HS3ST4: variants seen among roughly 807,000 people sequenced by gnomAD.
HS3ST4 encodes the protein heparan sulfate-glucosamine 3-sulfotransferase 4.
A neutral mutation model predicts 29.2 loss-of-function variants in HS3ST4; 17 were observed. That is an observed-to-expected ratio of 0.58 (90% CI 0.40 to 0.87). The LOEUF (loss-of-function observed/expected upper bound fraction) is 0.87. HS3ST4 is among the 40% of genes least tolerant of loss of function. The pLI, the probability that HS3ST4 is intolerant of heterozygous loss-of-function variation, is 0.00. For missense variants in HS3ST4, 627 were observed against 634.5 expected, an observed-to-expected ratio of 0.99 and a Z score of 0.13; for synonymous variants, 314 against 285.7, an observed-to-expected ratio of 1.10 and a Z score of -1.00.
intron 1 of HS3ST4, among the ~76,000 whole-genome samples, chr16:25,972,024 A>G (rs536154680): frequency 1.3e-5 from 2 of 152,264 alleles, no homozygotes; most frequent in South Asian, 4.1e-4. Context: ...TAGCTACAGG[A>G]CTTTTCATGA....
At chr16:26,070,315 G>A (rs1013523704) in intron 1 of HS3ST4, among the ~76,000 whole-genome samples, 15 of 152,184 alleles carry the variant, frequency 9.9e-5, no homozygotes, top group African/African-American at 3.6e-4. Flanking sequence ...CAGTGATGAT[G>A]AGCATTTTTT....
At chr16:25,820,923 A>G (rs1967148203) in intron 1 of HS3ST4, among the ~76,000 whole-genome samples, 1 of 152,094 alleles carries the variant, frequency 6.6e-6, no homozygotes, top group Non-Finnish European at 1.5e-5. Flanking sequence ...CTTAGGACCA[A>G]GTCGAATAAG....
intron 1 of HS3ST4, among the ~76,000 whole-genome samples, chr16:25,798,938 A>G (rs1223576810): frequency 6.6e-6 from 1 of 152,210 alleles, no homozygotes; most frequent in Admixed American, 6.5e-5. Flanking sequence ...CATTGTTGGC[A>G]GTGAAGCATA....
intron 1 of HS3ST4, among the ~76,000 whole-genome samples, chr16:26,104,347 C>A (rs1049120024): frequency 6.6e-6 from 1 of 152,224 alleles, no homozygotes; most frequent in African/African-American, 2.4e-5. Flanking sequence ...AGCTTTGATA[C>A]AGGGATGTGA....
At chr16:25,857,604 G>A (rs889272993) in intron 1 of HS3ST4, among the ~76,000 whole-genome samples, 7 of 152,126 alleles carry the variant, frequency 4.6e-5, no homozygotes, top group African/African-American at 1.4e-4. Flanking sequence ...GAACTGAGAC[G>A]CTTTCTAGCT....
At chr16:26,129,664 C>T (rs9933443) in intron 1 of HS3ST4, among the ~76,000 whole-genome samples, 5,135 of 152,236 alleles carry the variant, frequency 0.034, 298 homozygotes, top group African/African-American at 0.11. Context: ...GAAATAGACC[C>T]ATATTACTTA....
chr16:25,830,699 T>C (rs1345796189), intron 1 of HS3ST4, among the ~76,000 whole-genome samples: 1 of 151,882 alleles, frequency 6.6e-6, no homozygotes, highest in African/African-American at 2.4e-5. Flanking sequence ...TTCCATTCAT[T>C]CCCCACCTTC....
chr16:26,121,489 T>G (rs1899276409), intron 1 of HS3ST4, among the ~76,000 whole-genome samples: 1 of 152,194 alleles, frequency 6.6e-6, no homozygotes, highest in South Asian at 2.1e-4. Context: ...TGTTTGAGGC[T>G]GCAGGACTCA....
intron 1 of HS3ST4, among the ~76,000 whole-genome samples, chr16:25,956,716 T>C (rs1671871343): frequency 6.6e-6 from 1 of 152,176 alleles, no homozygotes; most frequent in Non-Finnish European, 1.5e-5. Flanking sequence ...GCATGGGTTT[T>C]GGCTGGGCGT....
At chr16:26,106,937 T>C (rs2141800296) in intron 1 of HS3ST4, among the ~76,000 whole-genome samples, 1 of 152,234 alleles carries the variant, frequency 6.6e-6, no homozygotes, top group Non-Finnish European at 1.5e-5. Flanking sequence ...CATCAGCATG[T>C]GCTGTTCACC....
intron 1 of HS3ST4, among the ~76,000 whole-genome samples, chr16:25,798,320 G>T (rs907954257): frequency 2.6e-5 from 4 of 152,146 alleles, no homozygotes; most frequent in Non-Finnish European, 4.4e-5. Flanking sequence ...CAAATCTCTG[G>T]CTTACAACCA....
At chr16:25,716,763 G>A (rs1484835440) in intron 1 of HS3ST4, among the ~76,000 whole-genome samples, 1 of 152,162 alleles carries the variant, frequency 6.6e-6, no homozygotes, top group African/African-American at 2.4e-5. Flanking sequence ...AAATAAAGAA[G>A]GGGAATTAGG....
chr16:26,004,821 G>A (rs1009877654), intron 1 of HS3ST4, among the ~76,000 whole-genome samples: 1 of 152,008 alleles, frequency 6.6e-6, no homozygotes, highest in African/African-American at 2.4e-5. Context: ...CATTTGAAGT[G>A]GTTTTTATGA....
In HS3ST4 at chr16:26,135,898, G is replaced by T; in HGVS notation, c.1021G>T (p.Glu341Ter). Residue 341 changes from glutamate (E) to a stop codon, truncating the protein, a stop_gained, in exon 2 of 2, where the codon GAA becomes TAA. Transcript: ENST00000331351. LOFTEE classifies it high-confidence loss of function. ...IRIGIYALHL[E>*]NWLQYFPLSQ... ...AATAGGGATCTATGCGCTGCATCTG[G>T]AAAACTGGCTCCAGTATTTCCCCCT... 6.2e-7 allele frequency: 1 copy of T among 1,613,988 alleles called. No homozygotes were observed.
At chr16:25,743,049 A>G (rs1966664925) in intron 1 of HS3ST4, among the ~76,000 whole-genome samples, 1 of 152,210 alleles carries the variant, frequency 6.6e-6, no homozygotes, top group African/African-American at 2.4e-5. Flanking sequence ...TCACAGAAGT[A>G]AGTCCACGAT....
chr16:26,015,394 G>A (rs921269132), intron 1 of HS3ST4, among the ~76,000 whole-genome samples: 2 of 152,234 alleles, frequency 1.3e-5, no homozygotes, highest in East Asian at 1.9e-4. Flanking sequence ...GTCATTTTTA[G>A]AGATGTCTTA....
At chr16:26,035,296 C>A (rs761085425) in intron 1 of HS3ST4, among the ~76,000 whole-genome samples, 4 of 152,278 alleles carry the variant, frequency 2.6e-5, no homozygotes, top group Admixed American at 6.5e-5. Context: ...ATATTTTGTA[C>A]GTTTTTGACT....
intron 1 of HS3ST4, among the ~76,000 whole-genome samples, chr16:25,967,511 T>C (rs889708392): frequency 6.6e-6 from 1 of 152,242 alleles, no homozygotes; most frequent in African/African-American, 2.4e-5. Flanking sequence ...TTATAAATCA[T>C]GCAATGTTCT....
chr16:25,734,604 G>A (rs1488341169), intron 1 of HS3ST4, among the ~76,000 whole-genome samples: 1 of 152,110 alleles, frequency 6.6e-6, no homozygotes, highest in Non-Finnish European at 1.5e-5. Flanking sequence ...CCCTTTTATG[G>A]AATTTACAGT....
Sources: gnomAD v4.1 joint callset for allele counts (sites outside exome capture counted in the v4.1 genomes callset) on GRCh38, gnomAD v4.1.1 for gene constraint, MANE v1.5 for transcripts, NCBI Gene and HGNC (gene_info 2026-07-23, HGNC 2026-07-21) for gene names.